Variants in ABCB8 observed in about 807,000 individuals in gnomAD.
ABCB8 encodes the protein ATP binding cassette subfamily B member 8.
In ABCB8, 52 loss-of-function variants were observed where a neutral mutation model predicts 73.0. The observed-to-expected ratio is 0.71, with a 90% CI of 0.57 to 0.90. ABCB8 has a LOEUF of 0.90. Ranked by LOEUF, ABCB8 falls within the 40% of genes least tolerant of loss-of-function variation. ABCB8 has a pLI of 0.00. For synonymous variants in ABCB8, 428 were observed against 423.5 expected (o/e 1.01, Z -0.13); for missense variants, 909 against 974.6 (o/e 0.93, Z 0.90).
rs139972021 is a variant in ABCB8 at position 151,032,731 on chromosome 7, C to T, written c.96-874C>T. 1.6e-3 allele frequency: 422 copies of T among 267,844 alleles called. 1 individual carries two copies. The highest frequency in any genetic ancestry group is 2.2e-3 in the Non-Finnish European group (285 of 131,576). 16.6% of individuals were successfully genotyped at this position (267,844 alleles called of 1,614,324 possible). The stretch of plus-strand genomic sequence containing the variant: ...AACACAATGTCTAGAATAGTGGAAT[C>T]GATGTTAGCATTTTATAGATGTGGC... On this transcript the variant is annotated intron_variant, in intron 1 of 15. Transcript: ENST00000358849.
rs894329764 is a variant in ABCB8, at chr7:151,033,688, C to A, written c.179C>A (p.Ala60Asp). The change falls in exon 2 of 16, where the codon GCC becomes GAC. Residue 60 changes from alanine to aspartate, a missense_variant. Coordinates refer to ENST00000358849, the MANE Select transcript of ABCB8 (RefSeq NM_007188.5). ...RSQLWAHLPR[A>D]PLAPRWSPSA... ...CAGCTCTGGGCCCACCTCCCTCGAG[C>A]CCCCCTAGCTCCCAGATGGAGCCCC... 3.7e-6 allele frequency: 6 copies of A among 1,612,098 alleles called. No homozygotes were observed. Among genetic ancestry groups the A allele is most frequent in the Non-Finnish European group, 5.1e-6 (6 of 1,178,834 alleles).
In ABCB8 at chr7:151,045,313, G is replaced by A. The variant is rs1450715068; in HGVS notation, c.2121G>A (p.Lys707=). 3 of 1,596,922 alleles carry A rather than the reference G, an allele frequency of 1.9e-6. No homozygotes were observed. The highest frequency in any genetic ancestry group is 2.6e-6 in the Non-Finnish European group (3 of 1,171,602). ...APRTAAPPPK[K]PEGPRSHQHK... The stretch of plus-strand genomic sequence containing the variant: ...GGACAGCGGCCCCACCGCCCAAAAA[G>A]CCAGAAGGCCCCAGGAGCCACCAGC... Residue 707 remains lysine, a synonymous_variant, in exon 16 of 16, where the codon AAG becomes AAA. Transcript: ENST00000358849.
rs1030065674 is a variant in ABCB8, at chr7:151,034,750, A to G, written c.686A>G (p.Asn229Ser). Residue 229 changes from asparagine (N) to serine (S), a missense_variant, in exon 5 of 16, where the codon AAT (asparagine) becomes AGT (serine). Transcript: ENST00000358849. ...LRQDITFFDA[N>S]KTGQLVSRLT... Reference sequence around the variant, plus strand: ...CAAGACATCACCTTCTTTGACGCCAATAAGACAGGGCAGCTGGTGAGCCGC... The same window carrying G: ...CAAGACATCACCTTCTTTGACGCCAGTAAGACAGGGCAGCTGGTGAGCCGC... 5 of 1,613,978 alleles carry G rather than the reference A, an allele frequency of 3.1e-6. No individual in the cohort carries two copies. The highest frequency in any genetic ancestry group is 4.2e-6 in the Non-Finnish European group (5 of 1,179,982).
rs1215709506 is a variant in ABCB8 at position 151,044,051 on chromosome 7, C to T, written c.1846C>T (p.Leu616=). 1 of 1,613,450 alleles carries T rather than the reference C, an allele frequency of 6.2e-7. No individual in the cohort carries two copies. Among genetic ancestry groups the T allele is most frequent in the African/African-American group, 1.3e-5 (1 of 74,926 alleles). ...ARALIKQPTV[L]ILDEATSALD... is the part of the protein sequence containing the mutation. ...AGCCCTTATCAAGCAGCCCACGGTG[C>T]TGATACTGGATGAAGCTACCAGCGC... Residue 616 remains leucine, a synonymous_variant, in exon 15 of 16, where the codon CTG becomes TTG. Coordinates refer to ENST00000358849, the MANE Select transcript of ABCB8 (RefSeq NM_007188.5).
chr7:151,045,099 C>G, intron 15 of ABCB8, 110 bp from the exon 16 acceptor site: 1 of 1,332,516 alleles, frequency 7.5e-7, no homozygotes, highest in Non-Finnish European at 1.0e-6. Flanking sequence ...GAAGGGACAC[C>G]GGCCTAAGTG....
Position 151,033,710 on chromosome 7 carries a change from C to A in ABCB8, c.201C>A (p.Ser67Arg). 6.2e-7 allele frequency: 1 copy of A among 1,613,782 alleles called. No homozygotes were observed. Among genetic ancestry groups the A allele is most frequent in the East Asian group, 2.2e-5 (1 of 44,884 alleles). The change falls in exon 2 of 16, where the codon AGC becomes AGA. Residue 67 changes from serine (S) to arginine (R), a missense_variant. Physicochemically the swap from Ser to Arg is moderately radical, Grantham distance 110 (BLOSUM62 -1). Transcript: ENST00000358849. ...LPRAPLAPRW[S>R]PSAWCWVGGA... Reference sequence around the variant, plus strand: ...GAGCCCCCCTAGCTCCCAGATGGAGCCCCTCTGCCTGGTGCTGGGTTGGGG... The same window carrying A: ...GAGCCCCCCTAGCTCCCAGATGGAGACCCTCTGCCTGGTGCTGGGTTGGGG...
intron 1 of ABCB8, chr7:151,031,428 G>A (rs951638847): frequency 2.4e-6 from 3 of 1,230,618 alleles, no homozygotes; most frequent in Admixed American, 5.4e-5. Flanking sequence ...GGGGAAGGAT[G>A]AGATGAAGAC....
intron 15 of ABCB8, among the ~76,000 whole-genome samples, chr7:151,044,885 G>A (rs531859946): frequency 6.6e-5 from 10 of 152,356 alleles, no homozygotes; most frequent in Middle Eastern, 3.4e-3. Flanking sequence ...GCCGTGTGGC[G>A]TTGGCTAACA....
chr7:151,041,236 C>T lies in ABCB8; in HGVS notation c.1617+4C>T, dbSNP rs546744607. The stretch of plus-strand genomic sequence containing the variant: ...GGTTGTCGGCTTCATCAGCCAGGTG[C>T]GGGGCCACATGGGCAGCCCTTGGCT... On this transcript the variant is annotated splice_donor_region_variant and intron_variant, in intron 13 of 15. Transcript: ENST00000358849. The T allele has an allele frequency of 4.4e-6, 7 of 1,596,886 alleles. No homozygotes were observed. Among genetic ancestry groups the T allele is most frequent in the Non-Finnish European group, 5.1e-6 (6 of 1,176,636 alleles).
At position 151,040,618 on chromosome 7, in the gene ABCB8, C is replaced by T; in HGVS notation, c.1372C>T (p.Gln458Ter). Residue 458 changes from glutamine to a stop codon, truncating the protein, a stop_gained, in exon 11 of 16, where the codon CAG (glutamine) becomes TAG (stop). Transcript: ENST00000358849. LOFTEE classifies it high-confidence loss of function. ...KEQLRGSVTF[Q>*]NVCFSYPCRP... ...GCAGCTGCGTGGCTCCGTTACATTT[C>T]AGAACGTCTGCTTCAGGTCAGCACG... The T allele has an allele frequency of 6.2e-7, 1 of 1,612,826 alleles. No homozygotes were observed. The highest frequency in any genetic ancestry group is 1.1e-5 in the South Asian group (1 of 91,008).
intron 1 of ABCB8, chr7:151,033,369 A>C: frequency 7.4e-7 from 1 of 1,359,360 alleles, no homozygotes; most frequent in Non-Finnish European, 9.5e-7. Context: ...TGCCCAGGGG[A>C]ATAAGACTTT....
At chr7:151,033,109 G>C (rs1233276912) in intron 1 of ABCB8, 1 of 457,740 alleles carries the variant, frequency 2.2e-6, no homozygotes, top group South Asian at 1.5e-5. Context: ...ATCAAGGGAA[G>C]TAGCCCATTA....
At chr7:151,041,294 C>T in intron 13 of ABCB8, 62 bp downstream of exon 13, 2 of 1,522,454 alleles carry the variant, frequency 1.3e-6, no homozygotes, top group Non-Finnish European at 1.8e-6. Context: ...GCCCTGCCCC[C>T]TTAGTCCTCA....
chr7:151,033,220 T>C (rs1796212329), intron 1 of ABCB8: 3 of 415,524 alleles, frequency 7.2e-6, no homozygotes, highest in South Asian at 5.6e-5. Context: ...TGCACCGTGG[T>C]CCCTTAAACC....
rs982078673 is a variant in ABCB8, at chr7:151,044,030, C to T, written c.1825C>T (p.Leu609Phe). 3.7e-6 allele frequency: 6 copies of T among 1,613,172 alleles called. No homozygotes were observed. The East Asian group carries it at 6.7e-5, about 18-fold the overall frequency. ...QKQRLAIARA[L>F]IKQPTVLILD... Reference sequence around the variant, plus strand: ...GCAGCGCCTGGCCATCGCCCGAGCCCTTATCAAGCAGCCCACGGTGCTGAT... The same window carrying T: ...GCAGCGCCTGGCCATCGCCCGAGCCTTTATCAAGCAGCCCACGGTGCTGAT... Residue 609 changes from leucine to phenylalanine, a missense_variant, in exon 15 of 16, where the codon CTT becomes TTT. Transcript: ENST00000358849.
At chr7:151,031,454 C>T in intron 1 of ABCB8, 1 of 934,258 alleles carries the variant, frequency 1.1e-6, no homozygotes, top group Non-Finnish European at 1.5e-6. Context: ...TTAGAAGGGT[C>T]TAGGGATGTG....
chr7:151,044,235 G>C lies in ABCB8; in HGVS notation c.2016+14G>C, dbSNP rs1796554263. ...CGTGTCTGGGAGGTTAGTTGTCCTG[G>C]GGGCGTGGATCAGTGGGTTGAGGAT... On this transcript the variant is annotated intron_variant, in intron 15 of 15. Transcript: ENST00000358849. 1.9e-6 allele frequency: 3 copies of C among 1,593,622 alleles called. No homozygotes were observed. The highest frequency in any genetic ancestry group is 1.7e-6 in the Non-Finnish European group (2 of 1,165,218).
rs777844029 is a variant in ABCB8, at chr7:151,044,238, G to C, written c.2016+17G>C. 5.0e-6 allele frequency: 8 copies of C among 1,592,302 alleles called. No homozygotes were observed. Among genetic ancestry groups the C allele is most frequent in the Non-Finnish European group, 6.0e-6 (7 of 1,164,638 alleles). ...GTCTGGGAGGTTAGTTGTCCTGGGG[G>C]CGTGGATCAGTGGGTTGAGGATGGC... On this transcript the variant is annotated intron_variant, in intron 15 of 15. Transcript: ENST00000358849.
At position 151,041,944 on chromosome 7, in the gene ABCB8, T is replaced by C. The variant is rs376134747; in HGVS notation, c.1618-17T>C. 95 of 1,611,416 alleles carry C rather than the reference T, an allele frequency of 5.9e-5. No homozygotes were observed. The highest frequency in any genetic ancestry group is 1.6e-4 in the Middle Eastern group (1 of 6,084). ...AATGTTTCTATGGACTCTGTCTCCA[T>C]AACCCCTCACCCACAGGAGCCCGTC... On this transcript the variant is annotated splice_polypyrimidine_tract_variant and intron_variant, in intron 13 of 15. Coordinates refer to ENST00000358849, the MANE Select transcript of ABCB8 (RefSeq NM_007188.5).
Sources: allele counts gnomAD v4.1 joint callset (sites outside exome capture counted in the v4.1 genomes callset), GRCh38; gene constraint gnomAD v4.1.1; transcripts MANE v1.5; gene names NCBI Gene and HGNC (gene_info 2026-07-23, HGNC 2026-07-21).